Variants in SPATA16 observed in about 807,000 individuals in gnomAD.
SPATA16 encodes the protein spermatogenesis associated 16.
SPATA16 carries 36 observed loss-of-function variants against 63.3 expected under a neutral mutation model. The observed-to-expected ratio is 0.57, with a 90% CI of 0.44 to 0.75. The LOEUF (loss-of-function observed/expected upper bound fraction) is 0.75, where lower values mean the gene tolerates loss of function less well. Among genes scored for constraint, SPATA16 ranks in the 30% least tolerant of loss-of-function variants. The probability of loss-of-function intolerance (pLI) is 0.00; values close to 1 mark genes in which losing one functional copy is unlikely to be tolerated. For synonymous variants in SPATA16, 203 were observed against 216.7 expected, an observed-to-expected ratio of 0.94 and a Z score of 0.56; for missense variants, 646 against 679.3, an observed-to-expected ratio of 0.95 and a Z score of 0.54.
intron 10 of SPATA16, among the ~76,000 whole-genome samples, chr3:172,906,963 A>G (rs1318637965): frequency 1.3e-5 from 2 of 152,074 alleles, no homozygotes; most frequent in Non-Finnish European, 2.9e-5. Context: ...CAGGATGTAC[A>G]TTATACTTTT....
intron 3 of SPATA16, among the ~76,000 whole-genome samples, chr3:173,048,044 A>G (rs1735997075): frequency 6.6e-6 from 1 of 152,120 alleles, no homozygotes; most frequent in African/African-American, 2.4e-5. Flanking sequence ...CCATTTACAA[A>G]TGAGTCTTAA....
chr3:172,916,732 G>A (rs1264222343), intron 8 of SPATA16, among the ~76,000 whole-genome samples: 1 of 152,142 alleles, frequency 6.6e-6, no homozygotes, highest in East Asian at 1.9e-4. Flanking sequence ...GCATTAGGGA[G>A]CTAGGCTGAG....
At chr3:173,124,538 C>T (rs138668445) in intron 1 of SPATA16, among the ~76,000 whole-genome samples, 1 of 152,320 alleles carries the variant, frequency 6.6e-6, no homozygotes, top group African/African-American at 2.4e-5. Context: ...TTCCATATCA[C>T]CTCTTCTTTT....
At chr3:173,018,682 G>A (rs775479057) in intron 4 of SPATA16, among the ~76,000 whole-genome samples, 91 of 152,078 alleles carry the variant, frequency 6.0e-4, no homozygotes, top group Non-Finnish European at 4.7e-4. Context: ...ACCCCATCTC[G>A]ATTCCTGCAG....
At chr3:172,945,445 G>A (rs772622383) in intron 6 of SPATA16, among the ~76,000 whole-genome samples, 1 of 152,090 alleles carries the variant, frequency 6.6e-6, no homozygotes, top group East Asian at 1.9e-4. Flanking sequence ...AAAATTAGAT[G>A]GACCATTATA....
chr3:172,948,904 T>C (rs1475425491), intron 6 of SPATA16, among the ~76,000 whole-genome samples: 3 of 152,210 alleles, frequency 2.0e-5, no homozygotes, highest in Admixed American at 1.3e-4. Context: ...AGAAGTCAGA[T>C]ACAAAAGAGC....
chr3:173,112,717 G>A (rs1049156360), intron 2 of SPATA16, among the ~76,000 whole-genome samples: 7 of 152,124 alleles, frequency 4.6e-5, no homozygotes, highest in South Asian at 2.1e-4. Flanking sequence ...CGACTGGAGC[G>A]CCAAGATATT....
intron 2 of SPATA16, among the ~76,000 whole-genome samples, chr3:173,086,995 G>A (rs1737076303): frequency 6.6e-6 from 1 of 152,150 alleles, no homozygotes; most frequent in Admixed American, 6.6e-5. Context: ...CAAGAAGAAT[G>A]TATATTCTGT....
At chr3:173,114,393 A>C (rs1404436583) in intron 2 of SPATA16, among the ~76,000 whole-genome samples, 1 of 152,136 alleles carries the variant, frequency 6.6e-6, no homozygotes, top group Non-Finnish European at 1.5e-5. Flanking sequence ...TAATGGGAAA[A>C]AAATGAAAAT....
chr3:173,123,735 C>G (rs1373533382), intron 1 of SPATA16, among the ~76,000 whole-genome samples: 2 of 151,512 alleles, frequency 1.3e-5, no homozygotes, highest in Non-Finnish European at 2.9e-5. Flanking sequence ...TCCCGAGTAT[C>G]TGGGATTACA....
At chr3:173,134,585 C>T (rs1276828563) in intron 1 of SPATA16, among the ~76,000 whole-genome samples, 2 of 152,156 alleles carry the variant, frequency 1.3e-5, no homozygotes, top group Non-Finnish European at 2.9e-5. Context: ...TTCTTTGCCA[C>T]GTGGTAATGC....
intron 6 of SPATA16, among the ~76,000 whole-genome samples, chr3:172,928,424 A>G (rs1188030161): frequency 1.3e-5 from 2 of 152,242 alleles, no homozygotes; most frequent in African/African-American, 4.8e-5. Context: ...GGGAGAGCTT[A>G]CTAGTTTTAC....
Position 173,117,523 on chromosome 3 carries a change from T to C in SPATA16, c.209A>G (p.Lys70Arg). Residue 70 changes from lysine (K) to arginine (R), a missense_variant, in exon 2 of 11, where the codon AAA (lysine) becomes AGA (arginine). Coordinates refer to ENST00000351008, the MANE Select transcript of SPATA16 (RefSeq NM_031955.6). Reference protein sequence around the residue: ...LERTKMTKGIKEKQSNDLEKA... With the variant: ...LERTKMTKGIREKQSNDLEKA... ...CTCTAAATCATTGCTTTGTTTTTCT[T>C]TGATGCCCTTTGTCATTTTTGTTCT... 1.2e-6 allele frequency: 2 copies of C among 1,614,178 alleles called. No homozygotes were observed. Among genetic ancestry groups the C allele is most frequent in the East Asian group, 4.5e-5 (2 of 44,880 alleles).
At chr3:173,042,250 C>T (rs1179385395) in intron 3 of SPATA16, among the ~76,000 whole-genome samples, 2 of 152,072 alleles carry the variant, frequency 1.3e-5, no homozygotes, top group African/African-American at 2.4e-5. Context: ...AACAGAGTCT[C>T]GCTCTGTCTC....
chr3:172,982,606 A>G (rs1313782401), intron 4 of SPATA16, among the ~76,000 whole-genome samples: 2 of 152,216 alleles, frequency 1.3e-5, no homozygotes, highest in Admixed American at 6.5e-5. Flanking sequence ...TATGTTATGA[A>G]CTCAGCTTAT....
In SPATA16 at chr3:172,896,857, A is replaced by T. The variant is rs1440440717; in HGVS notation, c.1588-7165T>A. ...CTGTATATAGTCTTTTGTTGGATGT[A>T]GGGTTTGCAAGTATTTTCTCTCATG... On this transcript the variant is annotated intron_variant, in intron 10 of 10. Coordinates refer to ENST00000351008, the MANE Select transcript of SPATA16 (RefSeq NM_031955.6). 2.0e-5 allele frequency among the ~76,000 whole-genome samples: 3 copies of T among 151,448 alleles called. No individual in the cohort carries two copies. In the East Asian group the frequency reaches 5.8e-4, roughly 29 times the overall value.
intron 1 of SPATA16, among the ~76,000 whole-genome samples, chr3:173,137,827 A>ACACACACACG (rs1738589712): frequency 8.4e-6 from 1 of 119,540 alleles, no homozygotes; most frequent in Non-Finnish European, 1.7e-5. Flanking sequence ...CTCTCAACAC[A>ACACACACACG]CACACACACA....
chr3:173,008,675 C>T (rs781093605), intron 4 of SPATA16, among the ~76,000 whole-genome samples: 1 of 151,986 alleles, frequency 6.6e-6, no homozygotes, highest in Non-Finnish European at 1.5e-5. Context: ...CAGAATATGA[C>T]TTAAAATTTT....
At chr3:172,894,411 G>C (rs1239222575) in intron 10 of SPATA16, among the ~76,000 whole-genome samples, 2 of 149,578 alleles carry the variant, frequency 1.3e-5, no homozygotes, top group Non-Finnish European at 3.0e-5. Context: ...TAGTGAATTT[G>C]GTATATTATT....
Sources: allele counts gnomAD v4.1 joint callset (sites outside exome capture counted in the v4.1 genomes callset), GRCh38; gene constraint gnomAD v4.1.1; transcripts MANE v1.5; gene names NCBI Gene and HGNC (gene_info 2026-07-23, HGNC 2026-07-21).